The following DACH2 variants were observed in gnomAD, a reference collection of about 807,000 sequenced individuals.
DACH2 encodes dachshund homolog 2.
DACH2 carries 17 observed loss-of-function variants against 35.8 expected under a neutral mutation model. That is an observed-to-expected ratio of 0.48 (90% CI 0.33 to 0.71). The LOEUF (loss-of-function observed/expected upper bound fraction) is 0.71, where lower values mean the gene tolerates loss of function less well. Ranked by LOEUF, DACH2 falls within the 30% of genes least tolerant of loss-of-function variation. The probability of loss-of-function intolerance (pLI) is 0.02; values close to 1 mark genes in which losing one functional copy is unlikely to be tolerated. For synonymous variants in DACH2, 195 were observed against 177.3 expected (o/e 1.10, Z -0.79); for missense variants, 469 against 472.7 (o/e 0.99, Z 0.07).
rs377371300 is a variant in DACH2 at position 86,184,133 on chromosome X, G to A, written c.488+35025G>A. The A allele has an allele frequency of 9.9e-5, 14 of 141,436 alleles. No homozygotes were observed. In the South Asian group the frequency reaches 1.3e-3, roughly 13 times the overall value. 11.7% of individuals were successfully genotyped at this position (141,436 alleles called of 1,213,427 possible). On this transcript the variant is annotated intron_variant, in intron 1 of 11. Transcript: ENST00000373125. ...AATCTTTTCAAAAAACCAGCTCCTG[G>A]ATTCATTGATTTTTGAAGGGTTTTT...
At chrX:86,623,390 C>T (rs775572731) in intron 3 of DACH2, among the ~76,000 whole-genome samples, 10 of 111,416 alleles carry the variant, frequency 9.0e-5, no homozygotes, top group Non-Finnish European at 1.9e-4. Context: ...AAAAGCATTT[C>T]AGGGGAAAGT....
At chrX:86,573,585 G>T (rs780957036) in intron 3 of DACH2, among the ~76,000 whole-genome samples, 1 of 111,501 alleles carries the variant, frequency 9.0e-6, no homozygotes, top group East Asian at 2.8e-4. Flanking sequence ...CTCCTAAAAT[G>T]ATAGACCCTA....
At chrX:86,232,774 G>A (rs926545314) in intron 1 of DACH2, among the ~76,000 whole-genome samples, 1 of 112,143 alleles carries the variant, frequency 8.9e-6, no homozygotes, top group Non-Finnish European at 1.9e-5. Context: ...ATTGTGGAAA[G>A]CAATGTGGTA....
At chrX:86,181,189 T>TATCTATCTATCTATCTA (rs1334350301) in intron 1 of DACH2, among the ~76,000 whole-genome samples, 1 of 110,608 alleles carries the variant, frequency 9.0e-6, no homozygotes, top group African/African-American at 3.3e-5. Flanking sequence ...TCTATCTATC[T>TATCTATCTATCTATCTA]ATTTTTCAAA....
chrX:86,424,411 T>C (rs1011217266), intron 2 of DACH2, among the ~76,000 whole-genome samples: 1 of 111,291 alleles, frequency 9.0e-6, no homozygotes, highest in Non-Finnish European at 1.9e-5. Context: ...CTTCTTCAGT[T>C]AATTTCTAGC....
rs184281784 is a variant in DACH2, at chrX:86,255,779, G to A, written c.488+106671G>A. Among the ~76,000 whole-genome samples, 490 of 111,945 alleles carry A rather than the reference G, an allele frequency of 4.4e-3. 1 individual carries two copies. Among genetic ancestry groups the A allele is most frequent in the Non-Finnish European group, 7.1e-3 (379 of 53,154 alleles). ...ATGATTATTTTAAAAATATTTTATT[G>A]CATTAAGATGATATTAGTGAAGTTC... On this transcript the variant is annotated intron_variant, in intron 1 of 11. Coordinates refer to ENST00000373125, the MANE Select transcript of DACH2 (RefSeq NM_053281.3).
chrX:86,438,218 G>GTTT (rs1238511934), intron 2 of DACH2, among the ~76,000 whole-genome samples: 2 of 97,754 alleles, frequency 2.0e-5, no homozygotes, highest in African/African-American at 4.2e-5. Flanking sequence ...TGATCTCGTA[G>GTTT]GTTTTTTTTT....
At chrX:86,529,228 A>G (rs1198288184) in intron 3 of DACH2, among the ~76,000 whole-genome samples, 2 of 111,074 alleles carry the variant, frequency 1.8e-5, no homozygotes, top group East Asian at 5.7e-4. Context: ...AATTTTTTGT[A>G]AAGACTGGGT....
chrX:86,435,045 A>G (rs1310185340), intron 2 of DACH2, among the ~76,000 whole-genome samples: 1 of 111,392 alleles, frequency 9.0e-6, no homozygotes, highest in Non-Finnish European at 1.9e-5. Context: ...GCCATGAGGG[A>G]TCTACTCCCA....
At chrX:86,200,098 C>T (rs1157661704) in intron 1 of DACH2, among the ~76,000 whole-genome samples, 1 of 110,923 alleles carries the variant, frequency 9.0e-6, no homozygotes, top group Non-Finnish European at 1.9e-5. Flanking sequence ...AGAACAGACA[C>T]ATGGAACAAT....
intron 1 of DACH2, among the ~76,000 whole-genome samples, chrX:86,223,724 G>A (rs1171598902): frequency 1.8e-5 from 2 of 111,888 alleles, no homozygotes; most frequent in Non-Finnish European, 3.8e-5. Flanking sequence ...TCAAGAGAAG[G>A]TCCAAACCGA....
chrX:86,172,742 A>T (rs1236128308), intron 1 of DACH2, among the ~76,000 whole-genome samples: 1 of 111,613 alleles, frequency 9.0e-6, no homozygotes, highest in Non-Finnish European at 1.9e-5. Context: ...ATTAGGGATA[A>T]ACAAAGTAGA....
chrX:86,700,955 G>T (rs927566233), intron 5 of DACH2, among the ~76,000 whole-genome samples: 1 of 111,672 alleles, frequency 9.0e-6, no homozygotes, highest in Non-Finnish European at 1.9e-5. Context: ...TACAGAAAAT[G>T]TTCCAAAAAA....
At chrX:86,789,825 T>C (rs1189646957) in intron 7 of DACH2, among the ~76,000 whole-genome samples, 1 of 111,885 alleles carries the variant, frequency 8.9e-6, no homozygotes, top group Non-Finnish European at 1.9e-5. Context: ...TAAAATATGA[T>C]GCCAAAAGGA....
chrX:86,478,740 G>A (rs1428502043), intron 2 of DACH2, among the ~76,000 whole-genome samples: 3 of 108,878 alleles, frequency 2.8e-5, no homozygotes, highest in Non-Finnish European at 5.7e-5. Context: ...AGACAGCCAG[G>A]CAGGTCTTGA....
intron 2 of DACH2, among the ~76,000 whole-genome samples, chrX:86,418,502 G>T (rs1194770608): frequency 8.9e-6 from 1 of 112,018 alleles, no homozygotes; most frequent in African/African-American, 3.2e-5. Context: ...CATGGAAGCT[G>T]CCAAGGCTTG....
intron 3 of DACH2, among the ~76,000 whole-genome samples, chrX:86,595,348 A>C (rs1172474326): frequency 9.0e-6 from 1 of 111,360 alleles, no homozygotes; most frequent in Admixed American, 9.7e-5. Flanking sequence ...TTTGGCCTCA[A>C]GTGATCCTCC....
chrX:86,394,281 ATAAT>A (rs1266665822), intron 2 of DACH2, among the ~76,000 whole-genome samples: 5 of 110,783 alleles, frequency 4.5e-5, no homozygotes, highest in South Asian at 3.7e-4. Flanking sequence ...TTAGTTTATG[ATAAT>A]TAATTATAAT....
At chrX:86,721,659 G>A (rs2041408200) in intron 6 of DACH2, among the ~76,000 whole-genome samples, 1 of 111,466 alleles carries the variant, frequency 9.0e-6, no homozygotes, top group Non-Finnish European at 1.9e-5. Context: ...GCTTCCACAT[G>A]TTTGGGTATG....
Sources: allele counts gnomAD v4.1 joint callset (sites outside exome capture counted in the v4.1 genomes callset), GRCh38; gene constraint gnomAD v4.1.1; transcripts MANE v1.5; gene names NCBI Gene and HGNC (gene_info 2026-07-23, HGNC 2026-07-21).